Variants in CD180 observed in about 807,000 individuals in gnomAD.
CD180 encodes CD180 molecule.
In CD180, 11 loss-of-function variants were observed where a neutral mutation model predicts 10.7. The ratio of observed to expected loss-of-function variants is 1.03; its 90% confidence interval spans 0.65 to 1.70. The LOEUF (loss-of-function observed/expected upper bound fraction) is 1.70. Ranked by LOEUF, CD180 falls within the 40% of genes most tolerant of loss-of-function variation. The probability of loss-of-function intolerance (pLI) is 0.00; values close to 1 mark genes in which losing one functional copy is unlikely to be tolerated. For synonymous variants in CD180, 286 were observed against 294.6 expected (o/e 0.97, Z 0.30); for missense variants, 729 against 775.2 (o/e 0.94, Z 0.71).
Position 67,183,236 on chromosome 5 carries a change from C to A in CD180, c.1607G>T (p.Ser536Ile). ...CTTAAGATGGCTAAGAGAATCAATG[C>A]TGTCGCATGTCAGGCTGTTGTGGCT... is the stretch of plus-strand genomic sequence containing the variant. ...DLSHNSLTCD[S>I]IDSLSHLKGI... is the part of the protein sequence containing the mutation. The change falls in exon 3 of 3, where the codon AGC becomes ATC. Residue 536 changes from serine to isoleucine, a missense_variant. Ser to Ile is a moderately radical substitution (Grantham distance 142, BLOSUM62 -2). Transcript: ENST00000256447. 6.2e-7 allele frequency: 1 copy of A among 1,614,010 alleles called. No homozygotes were observed. Among genetic ancestry groups the A allele is most frequent in the East Asian group, 2.2e-5 (1 of 44,874 alleles).
At chr5:67,186,885 A>G (rs1022022818) in intron 1 of CD180, among the ~76,000 whole-genome samples, 11 of 140,736 alleles carry the variant, frequency 7.8e-5, no homozygotes, top group Non-Finnish European at 1.5e-4. Flanking sequence ...AAAGAGAGAG[A>G]GAGAGAGAGA....
rs1742014123 is a variant in CD180 at position 67,180,420 on chromosome 5, G to T, written c.*2437C>A. On this transcript the variant is annotated 3_prime_UTR_variant, in exon 3 of 3. Coordinates refer to ENST00000256447, the MANE Select transcript of CD180 (RefSeq NM_005582.3). Reference sequence around the variant, plus strand: ...TGACAGAATATGCAGGGACTCAATGGGTTGGTGCTGTCTAAGACTGGATTC... The same window carrying T: ...TGACAGAATATGCAGGGACTCAATGTGTTGGTGCTGTCTAAGACTGGATTC... 6.6e-6 allele frequency: 1 copy of T among 151,954 alleles called. No individual in the cohort carries two copies. Among genetic ancestry groups the T allele is most frequent in the African/African-American group, 2.4e-5 (1 of 41,222 alleles). The allele number at this position is 151,954 out of a possible 1,614,324, so 9.4% of individuals were successfully genotyped here. A position where few individuals can be genotyped will look rare whatever the true frequency, so the allele number is the denominator to read the frequency against.
chr5:67,191,496 A>C (rs977036669), intron 1 of CD180, among the ~76,000 whole-genome samples: 1 of 152,200 alleles, frequency 6.6e-6, no homozygotes, highest in Non-Finnish European at 1.5e-5. Flanking sequence ...ACACCTAGGG[A>C]CTGAAGGGCT....
rs116272408 is a variant in CD180 at position 67,195,856 on chromosome 5, G to A, written c.90+696C>T. On this transcript the variant is annotated intron_variant, in intron 1 of 2. Coordinates refer to ENST00000256447, the MANE Select transcript of CD180 (RefSeq NM_005582.3). ...ATGCAGCCCTTGTCTGACAGGCCAC[G>A]TGGTATTGATCACTTGTGGGGTCAG... Among the ~76,000 whole-genome samples the A allele has an allele frequency of 8.5e-3, 1,300 of 152,302 alleles. 11 individuals are homozygous for A. The highest frequency in any genetic ancestry group is 0.021 in the African/African-American group (861 of 41,556).
chr5:67,184,528 T>C lies in CD180; in HGVS notation c.315A>G (p.Thr105=), dbSNP rs764209827. ...DTFQSHHQLS[T]LVLTGNPLIF... Reference sequence around the variant, plus strand: ...TCAGGGGATTTCCAGTTAACACAAGTGTGCTTAATTGATGATGGCTTTGAA... The same window carrying C: ...TCAGGGGATTTCCAGTTAACACAAGCGTGCTTAATTGATGATGGCTTTGAA... The change falls in exon 3 of 3, where the codon ACA becomes ACG. Residue 105 remains threonine (T), a synonymous_variant. Transcript: ENST00000256447. 1.9e-6 allele frequency: 3 copies of C among 1,609,008 alleles called. No homozygotes were observed. In the African/African-American group the frequency reaches 4.0e-5, roughly 21 times the overall value.
At chr5:67,185,752 T>A (rs186927902) in intron 2 of CD180, 99 bp downstream of exon 2, 31 of 818,758 alleles carry the variant, frequency 3.8e-5, no homozygotes, top group Non-Finnish European at 5.4e-5. Flanking sequence ...AAGCAGATTG[T>A]CCCTGGGCCC....
rs2151164813 is a variant in CD180 at position 67,182,877 on chromosome 5, A to T, written c.1966T>A (p.Trp656Arg). Residue 656 changes from tryptophan (W) to arginine (R), a missense_variant, in exon 3 of 3, where the codon TGG (tryptophan) becomes AGG (arginine). By Grantham distance (101) the Trp-to-Arg change is moderately radical (BLOSUM62 -3). Coordinates refer to ENST00000256447, the MANE Select transcript of CD180 (RefSeq NM_005582.3). Reference protein sequence around the residue: ...LFFAVKYLLRWKYQHI With the variant: ...LFFAVKYLLRRKYQHI ...CAGCACTAAATGTGTTGGTATTTCC[A>T]CCTGAGAAGGTATTTAACTGCAAAA... 1 of 1,606,206 alleles carries T rather than the reference A, an allele frequency of 6.2e-7. No homozygotes were observed.
At chr5:67,189,834 T>A (rs536780761) in intron 1 of CD180, among the ~76,000 whole-genome samples, 167 of 152,254 alleles carry the variant, frequency 1.1e-3, no homozygotes, top group African/African-American at 3.8e-3. Flanking sequence ...ACTGACATCA[T>A]GACCCTTAAG....
intron 1 of CD180, 25 bp downstream of exon 1, chr5:67,196,527 A>G (rs764450580): frequency 1.9e-6 from 3 of 1,613,594 alleles, no homozygotes; most frequent in East Asian, 4.5e-5. Context: ...TTTAATCTGC[A>G]TAAAGACAAA....
chr5:67,189,543 G>A (rs1322517653), intron 1 of CD180, among the ~76,000 whole-genome samples: 2 of 152,204 alleles, frequency 1.3e-5, no homozygotes, highest in African/African-American at 4.8e-5. Context: ...AAAGAGGCAA[G>A]TGACAAGAAA....
At chr5:67,192,234 C>A (rs1405160056) in intron 1 of CD180, among the ~76,000 whole-genome samples, 1 of 151,824 alleles carries the variant, frequency 6.6e-6, no homozygotes, top group Non-Finnish European at 1.5e-5. Flanking sequence ...ACTAAAAATA[C>A]AAAAAAATTG....
At position 67,184,379 on chromosome 5, in the gene CD180, T is replaced by C; in HGVS notation, c.464A>G (p.Tyr155Cys). The change falls in exon 3 of 3, where the codon TAT becomes TGT. Residue 155 changes from tyrosine to cysteine, a missense_variant. Coordinates refer to ENST00000256447, the MANE Select transcript of CD180 (RefSeq NM_005582.3). ...GGAGGAAATATGGTTGCTTCCAAGA[T>C]ACAAGCTTTCCAAGTTTTCCAGATT... is the stretch of plus-strand genomic sequence containing the variant. Reference protein sequence around the residue: ...VHNLENLESLYLGSNHISSIK... With the variant: ...VHNLENLESLCLGSNHISSIK... 1 of 1,613,840 alleles carries C rather than the reference T, an allele frequency of 6.2e-7. No individual in the cohort carries two copies. The highest frequency in any genetic ancestry group is 8.5e-7 in the Non-Finnish European group (1 of 1,179,702).
rs1742013438 is a variant in CD180 at position 67,180,380 on chromosome 5, G to A, written c.*2477C>T. ...TCTGCAGCTTAAATCCCTAAGGCAAGAAAGAGCTTACCTGTGACAGAATAT... is the reference window on the plus strand; with the variant it reads ...TCTGCAGCTTAAATCCCTAAGGCAAAAAAGAGCTTACCTGTGACAGAATAT... On this transcript the variant is annotated 3_prime_UTR_variant, in exon 3 of 3. Transcript: ENST00000256447. 6.6e-6 allele frequency: 1 copy of A among 152,262 alleles called. No individual in the cohort carries two copies. The highest frequency in any genetic ancestry group is 2.1e-4 in the South Asian group (1 of 4,834). 9.4% of individuals were successfully genotyped at this position (152,262 alleles called of 1,614,324 possible).
chr5:67,190,753 T>G (rs1361791701), intron 1 of CD180, among the ~76,000 whole-genome samples: 1 of 152,258 alleles, frequency 6.6e-6, no homozygotes, highest in Non-Finnish European at 1.5e-5. Context: ...CAGAGCTACA[T>G]CTGTATTTGC....
At chr5:67,195,191 T>C (rs925100644) in intron 1 of CD180, among the ~76,000 whole-genome samples, 4 of 152,098 alleles carry the variant, frequency 2.6e-5, no homozygotes, top group African/African-American at 9.7e-5. Context: ...AGGGTTTTTT[T>C]GGTTTGTTTT....
In CD180 at chr5:67,184,984, G is replaced by A. The variant is rs16875309; in HGVS notation, c.258-399C>T. Among the ~76,000 whole-genome samples the A allele has an allele frequency of 7.4e-3, 1,128 of 151,690 alleles. 15 individuals carry two copies. The highest frequency in any genetic ancestry group is 0.026 in the African/African-American group (1,089 of 41,284). On this transcript the variant is annotated intron_variant, in intron 2 of 2. Transcript: ENST00000256447. ...CACACACAAAAATCTGTGTCATCCC[G>A]GGCAAGTTACAACTTTTCTCAACCT... is the stretch of plus-strand genomic sequence containing the variant.
In CD180 at chr5:67,184,044, T is replaced by C; in HGVS notation, c.799A>G (p.Met267Val). ...GACATTTCACAGAGTCCCTTGAGCA[T>C]GGCTGAACTAATATCTTCGTCATCA... is the stretch of plus-strand genomic sequence containing the variant. ...DIDDEDISSA[M>V]LKGLCEMSVE... Residue 267 changes from methionine (M) to valine (V), a missense_variant, in exon 3 of 3, where the codon ATG becomes GTG. Coordinates refer to ENST00000256447, the MANE Select transcript of CD180 (RefSeq NM_005582.3). The C allele has an allele frequency of 1.2e-6, 2 of 1,614,194 alleles. No individual in the cohort carries two copies. The highest frequency in any genetic ancestry group is 1.7e-5 in the Admixed American group (1 of 60,024).
At position 67,189,912 on chromosome 5, in the gene CD180, T is replaced by C. The variant is rs577973295; in HGVS notation, c.91-3895A>G. ...ATATGACTATAGTGCCATTATGAAATTCAAGATATTTAATATTGATACAAT... is the reference window on the plus strand; with the variant it reads ...ATATGACTATAGTGCCATTATGAAACTCAAGATATTTAATATTGATACAAT... On this transcript the variant is annotated intron_variant, in intron 1 of 2. Coordinates refer to ENST00000256447, the MANE Select transcript of CD180 (RefSeq NM_005582.3). Among the ~76,000 whole-genome samples, 24 of 152,316 alleles carry C rather than the reference T, an allele frequency of 1.6e-4. 1 individual carries two copies. In the South Asian group the frequency reaches 4.6e-3, roughly 29 times the overall value.
At chr5:67,185,325 AC>A (rs1742169818) in intron 2 of CD180, among the ~76,000 whole-genome samples, 1 of 147,692 alleles carries the variant, frequency 6.8e-6, no homozygotes, top group Admixed American at 6.7e-5. Context: ...ACACACACAC[AC>A]ACGCAGTATA....
Sources: allele counts gnomAD v4.1 joint callset (sites outside exome capture counted in the v4.1 genomes callset), GRCh38; gene constraint gnomAD v4.1.1; transcripts MANE v1.5; gene names NCBI Gene and HGNC (gene_info 2026-07-23, HGNC 2026-07-21).